Variants in EBF1 observed in about 807,000 individuals in gnomAD.
The protein encoded by EBF1 is EBF transcription factor 1.
A neutral mutation model predicts 68.4 loss-of-function variants in EBF1; 10 were observed. The observed-to-expected ratio is 0.15, with a 90% confidence interval of 0.09 to 0.25. The LOEUF is 0.25. Among genes scored for constraint, EBF1 ranks in the 10% least tolerant of loss-of-function variants. EBF1 has a pLI of 1.00. For synonymous variants in EBF1, 298 were observed against 299.8 expected (o/e 0.99, Z 0.06); for missense variants, 509 against 794.4 (o/e 0.64, Z 4.32).
At chr5:158,738,759 A>G (rs559101457) in intron 10 of EBF1, among the ~76,000 whole-genome samples, 1 of 152,354 alleles carries the variant, frequency 6.6e-6, no homozygotes, top group African/African-American at 2.4e-5. Context: ...TTATTATTCC[A>G]AGATGACTAT....
At chr5:158,723,788 T>G (rs1258325581) in intron 11 of EBF1, among the ~76,000 whole-genome samples, 1 of 152,064 alleles carries the variant, frequency 6.6e-6, no homozygotes, top group East Asian at 1.9e-4. Context: ...TGCCGCAAAA[T>G]AAGTCAGCTA....
intron 6 of EBF1, among the ~76,000 whole-genome samples, chr5:158,875,917 C>T (rs902930752): frequency 6.6e-6 from 1 of 152,190 alleles, no homozygotes; most frequent in South Asian, 2.1e-4. Context: ...CCCAGTCCCT[C>T]CACAGAAGAA....
At chr5:158,989,576 T>C (rs1199564713) in intron 6 of EBF1, among the ~76,000 whole-genome samples, 1 of 152,184 alleles carries the variant, frequency 6.6e-6, no homozygotes, top group Non-Finnish European at 1.5e-5. Context: ...CAGCTTTTCT[T>C]ACTAAAGCCT....
chr5:158,785,603 G>T (rs988522360), intron 9 of EBF1, among the ~76,000 whole-genome samples: 1 of 152,142 alleles, frequency 6.6e-6, no homozygotes, highest in Admixed American at 6.5e-5. Context: ...GGCATTTACT[G>T]TTTCACAAAA....
intron 6 of EBF1, among the ~76,000 whole-genome samples, chr5:158,980,920 T>C (rs1226748801): frequency 2.0e-5 from 3 of 152,162 alleles, no homozygotes; most frequent in Non-Finnish European, 1.5e-5. Context: ...ACTAGTAAGT[T>C]TCATAATAAG....
rs576652433 is a variant in EBF1 at position 159,018,008 on chromosome 5, C to T, written c.554+55388G>A. Among the ~76,000 whole-genome samples, 175 of 152,268 alleles carry T rather than the reference C, an allele frequency of 1.1e-3. 1 individual carries two copies. Among genetic ancestry groups the T allele is most frequent in the Non-Finnish European group, 2.0e-3 (139 of 68,010 alleles). On this transcript the variant is annotated intron_variant, in intron 6 of 15. Coordinates refer to ENST00000313708, the MANE Select transcript of EBF1 (RefSeq NM_024007.5). ...TCAGAGGCCCATTTCCTGTCTCCCC[C>T]GTCCCTGCCCCAGCCTCCTGGGCAA... is the stretch of plus-strand genomic sequence containing the variant.
intron 1 of EBF1, 72 bp downstream of exon 1, chr5:159,099,271 TGC>T: frequency 2.4e-6 from 3 of 1,244,660 alleles, no homozygotes; most frequent in South Asian, 2.6e-5. Context: ...CAGCTGCCGC[TGC>T]CGCTGCCGCC....
chr5:159,032,008 C>T (rs937874238), intron 6 of EBF1, among the ~76,000 whole-genome samples: 6 of 152,108 alleles, frequency 3.9e-5, no homozygotes, highest in African/African-American at 1.4e-4. Flanking sequence ...TGTATTTCTT[C>T]TAGGTTACCT....
intron 6 of EBF1, among the ~76,000 whole-genome samples, chr5:158,926,435 T>G (rs568470846): frequency 1.4e-4 from 21 of 152,174 alleles, no homozygotes; most frequent in African/African-American, 5.1e-4. Flanking sequence ...TAGAAATAAC[T>G]ATCTTATTGG....
intron 11 of EBF1, among the ~76,000 whole-genome samples, chr5:158,717,389 A>C (rs1760963040): frequency 6.6e-6 from 1 of 152,176 alleles, no homozygotes; most frequent in African/African-American, 2.4e-5. Flanking sequence ...TTGTTCTTAA[A>C]TTCTTATTTT....
At chr5:158,977,658 T>G (rs756046028) in intron 6 of EBF1, among the ~76,000 whole-genome samples, 1 of 152,232 alleles carries the variant, frequency 6.6e-6, no homozygotes, top group Non-Finnish European at 1.5e-5. Context: ...ATTAAACTTA[T>G]CTGTGTCATG....
chr5:158,934,641 T>C (rs575765829), intron 6 of EBF1, among the ~76,000 whole-genome samples: 1 of 152,354 alleles, frequency 6.6e-6, no homozygotes, highest in Admixed American at 6.5e-5. Flanking sequence ...TTATAATCAG[T>C]CCAAACATTT....
intron 4 of EBF1, among the ~76,000 whole-genome samples, chr5:159,090,663 T>C (rs1023687029): frequency 1.3e-5 from 2 of 152,128 alleles, no homozygotes; most frequent in Non-Finnish European, 2.9e-5. Context: ...CCTTATATTA[T>C]TCAAACACCA....
At chr5:158,775,897 T>A (rs1775132418) in intron 10 of EBF1, among the ~76,000 whole-genome samples, 1 of 151,922 alleles carries the variant, frequency 6.6e-6, no homozygotes, top group African/African-American at 2.4e-5. Flanking sequence ...AAACAGCTAA[T>A]CTGCTAGTTT....
At chr5:159,023,179 A>G (rs80295039) in intron 6 of EBF1, among the ~76,000 whole-genome samples, 1,635 of 120,744 alleles carry the variant, frequency 0.014, 28 homozygotes, top group African/African-American at 0.042. Context: ...CAGATGCCAG[A>G]ATTTTCTCAC....
intron 5 of EBF1, among the ~76,000 whole-genome samples, chr5:159,077,832 G>A (rs901472629): frequency 7.5e-5 from 11 of 147,058 alleles, no homozygotes; most frequent in Admixed American, 4.2e-4. Context: ...CGACCTCCTG[G>A]GGCTCAAGCG....
At chr5:158,745,210 G>A (rs975357354) in intron 10 of EBF1, among the ~76,000 whole-genome samples, 4 of 152,086 alleles carry the variant, frequency 2.6e-5, no homozygotes, top group South Asian at 2.1e-4. Flanking sequence ...GGCCACTTCC[G>A]CAATAACCCC....
chr5:158,895,577 T>A (rs1271704773), intron 6 of EBF1, among the ~76,000 whole-genome samples: 1 of 152,146 alleles, frequency 6.6e-6, no homozygotes, highest in African/African-American at 2.4e-5. Flanking sequence ...AGGAAAGTCA[T>A]CTGCCCTGCC....
intron 6 of EBF1, among the ~76,000 whole-genome samples, chr5:158,963,208 T>G (rs1397406303): frequency 3.9e-5 from 6 of 152,240 alleles, no homozygotes; most frequent in Non-Finnish European, 8.8e-5. Context: ...TAGCCAATTA[T>G]GGTATCCCAC....
Sources: gnomAD v4.1 joint callset for allele counts (sites outside exome capture counted in the v4.1 genomes callset) on GRCh38, gnomAD v4.1.1 for gene constraint, MANE v1.5 for transcripts, NCBI Gene and HGNC (gene_info 2026-07-23, HGNC 2026-07-21) for gene names.